The following CACNA2D3 variants were observed in gnomAD, a reference collection of about 807,000 sequenced individuals.
CACNA2D3 encodes voltage-dependent calcium channel subunit alpha-2/delta-3.
In CACNA2D3, 60 loss-of-function variants were observed where a neutral mutation model predicts 160.6. The observed-to-expected ratio is 0.37, with a 90% confidence interval of 0.30 to 0.46. The LOEUF (loss-of-function observed/expected upper bound fraction) is 0.46. Ranked by LOEUF, CACNA2D3 falls within the 20% of genes least tolerant of loss-of-function variation. The pLI, the probability that CACNA2D3 is intolerant of heterozygous loss-of-function variation, is 1.00. For synonymous variants in CACNA2D3, 558 were observed against 492.9 expected (o/e 1.13, Z -1.75); for missense variants, 1,205 against 1,365.0 (o/e 0.88, Z 1.85).
chr3:54,172,199 G>T, intron 2 of CACNA2D3, among the ~76,000 whole-genome samples: 1 of 152,162 alleles, frequency 6.6e-6, no homozygotes, highest in Admixed American at 6.5e-5. Flanking sequence ...TTTACTCTCC[G>T]TGGGCTGCCA....
At chr3:55,019,936 A>G (rs1703410449) in intron 35 of CACNA2D3, among the ~76,000 whole-genome samples, 1 of 152,146 alleles carries the variant, frequency 6.6e-6, no homozygotes. Flanking sequence ...AAAGTGTATA[A>G]TTCAGGAGCA....
chr3:54,760,338 G>A (rs1443677533), intron 12 of CACNA2D3, among the ~76,000 whole-genome samples: 4 of 152,246 alleles, frequency 2.6e-5, no homozygotes, highest in Admixed American at 2.6e-4. Flanking sequence ...CAGGCCCTGA[G>A]GAGGGGAACG....
Position 54,375,323 on chromosome 3 carries a change from C to G in CACNA2D3, c.322-11392C>G, listed in dbSNP as rs190630378. Among the ~76,000 whole-genome samples the G allele has an allele frequency of 8.5e-5, 13 of 152,314 alleles. No homozygotes were observed. The East Asian group carries it at 2.5e-3, about 29-fold the overall frequency. On this transcript the variant is annotated intron_variant, in intron 3 of 37. Coordinates refer to ENST00000474759, the MANE Select transcript of CACNA2D3 (RefSeq NM_018398.3). ...TAAACCTTATATTCCCAGATGAACA[C>G]AGTGCCTGGCACCCAGTAGGGTGAG...
chr3:54,906,314 G>A (rs1438348701), intron 27 of CACNA2D3, among the ~76,000 whole-genome samples: 1 of 152,146 alleles, frequency 6.6e-6, no homozygotes, highest in Non-Finnish European at 1.5e-5. Flanking sequence ...AGGATTAAGA[G>A]ATGAAATGTG....
chr3:54,674,895 A>G (rs1187904165), intron 11 of CACNA2D3, among the ~76,000 whole-genome samples: 2 of 152,140 alleles, frequency 1.3e-5, no homozygotes, highest in African/African-American at 4.8e-5. Context: ...AGAAGACACC[A>G]TTATTGAGAG....
At chr3:54,935,457 TAATG>T (rs893880146) in intron 27 of CACNA2D3, among the ~76,000 whole-genome samples, 2 of 152,172 alleles carry the variant, frequency 1.3e-5, no homozygotes, top group Admixed American at 6.5e-5. Context: ...GACATAAAGT[TAATG>T]AAAGAAACAA....
intron 4 of CACNA2D3, among the ~76,000 whole-genome samples, chr3:54,389,425 G>A (rs1261153674): frequency 6.6e-6 from 1 of 152,102 alleles, no homozygotes; most frequent in Non-Finnish European, 1.5e-5. Context: ...AAAATTAGTT[G>A]GCAAAAGTTT....
At chr3:54,603,233 A>C (rs1196493525) in intron 9 of CACNA2D3, among the ~76,000 whole-genome samples, 1 of 152,238 alleles carries the variant, frequency 6.6e-6, no homozygotes, top group Non-Finnish European at 1.5e-5. Context: ...GAGGCTCCAC[A>C]GAAGAGGAAG....
At chr3:54,431,896 C>T (rs1211638702) in intron 4 of CACNA2D3, among the ~76,000 whole-genome samples, 2 of 152,210 alleles carry the variant, frequency 1.3e-5, no homozygotes, top group African/African-American at 2.4e-5. Flanking sequence ...GCATGAGCCA[C>T]CACACCTGGC....
chr3:55,011,331 T>C (rs1703207820), intron 34 of CACNA2D3, among the ~76,000 whole-genome samples: 1 of 152,196 alleles, frequency 6.6e-6, no homozygotes, highest in Non-Finnish European at 1.5e-5. Flanking sequence ...CCCTGCTGGG[T>C]TGAGTTCTGA....
At chr3:55,057,426 C>T (rs1238182126) in intron 35 of CACNA2D3, among the ~76,000 whole-genome samples, 2 of 151,994 alleles carry the variant, frequency 1.3e-5, no homozygotes, top group Admixed American at 6.6e-5. Context: ...GTCAAGATTC[C>T]CCCCATCCCA....
intron 2 of CACNA2D3, among the ~76,000 whole-genome samples, chr3:54,149,698 G>A (rs1700102699): frequency 6.6e-6 from 1 of 152,124 alleles, no homozygotes; most frequent in African/African-American, 2.4e-5. Context: ...GGAGCAGCTT[G>A]TAGGGTGAGG....
chr3:54,482,007 C>T (rs1041925215), intron 4 of CACNA2D3, among the ~76,000 whole-genome samples: 4 of 152,182 alleles, frequency 2.6e-5, no homozygotes, highest in Non-Finnish European at 4.4e-5. Flanking sequence ...TGTATTTTCC[C>T]TCTTAAAGGT....
chr3:54,555,146 G>C (rs1247164012), intron 5 of CACNA2D3, among the ~76,000 whole-genome samples: 3 of 152,068 alleles, frequency 2.0e-5, no homozygotes, highest in Non-Finnish European at 4.4e-5. Context: ...AAAGTGTTGA[G>C]ATTACAGGTG....
At chr3:54,312,701 C>G (rs2107500706) in intron 2 of CACNA2D3, among the ~76,000 whole-genome samples, 1 of 152,282 alleles carries the variant, frequency 6.6e-6, no homozygotes. Flanking sequence ...CTTGGCTCAC[C>G]ACAGGATTTC....
At position 54,338,467 on chromosome 3, in the gene CACNA2D3, C is replaced by CTGTGTGTGTGTGTGTG. The variant is rs71074965; in HGVS notation, c.321+17939_321+17954dup. On this transcript the variant is annotated intron_variant, in intron 3 of 37. Coordinates refer to ENST00000474759, the MANE Select transcript of CACNA2D3 (RefSeq NM_018398.3). ...TTATAGCTCTCTTCATCTCCCCTCC[C>CTGTGTGTGTGTGTGTG]TGTGTGTGTGTGTGTGTGTGTGTGT... 7.3e-3 allele frequency among the ~76,000 whole-genome samples: 992 copies of CTGTGTGTGTGTGTGTG among 136,498 alleles called. 9 individuals are homozygous for CTGTGTGTGTGTGTGTG. Among genetic ancestry groups the CTGTGTGTGTGTGTGTG allele is most frequent in the Middle Eastern group, 0.011 (3 of 264 alleles). 89.5% of individuals were successfully genotyped at this position (136,498 alleles called of 152,430 possible).
chr3:54,605,070 C>A (rs1003805905), intron 9 of CACNA2D3, among the ~76,000 whole-genome samples: 4 of 152,138 alleles, frequency 2.6e-5, no homozygotes, highest in African/African-American at 9.7e-5. Context: ...TTCCTGCAAT[C>A]TTTGGTGTTC....
At chr3:54,816,770 C>A (rs1703467485) in intron 13 of CACNA2D3, 83 bp from the exon 14 acceptor site, 9 of 1,511,862 alleles carry the variant, frequency 6.0e-6, no homozygotes, top group Admixed American at 3.9e-5. Flanking sequence ...TTGCAAATGG[C>A]AAGAAAATGA....
At chr3:54,682,438 C>T (rs1402120961) in intron 11 of CACNA2D3, among the ~76,000 whole-genome samples, 1 of 151,950 alleles carries the variant, frequency 6.6e-6, no homozygotes, top group African/African-American at 2.4e-5. Flanking sequence ...CCAGCCTGGC[C>T]AACATGACGA....
Sources: allele counts gnomAD v4.1 joint callset (sites outside exome capture counted in the v4.1 genomes callset), GRCh38; gene constraint gnomAD v4.1.1; transcripts MANE v1.5; gene names NCBI Gene and HGNC (gene_info 2026-07-23, HGNC 2026-07-21).